Variants in CDK14 observed in about 807,000 individuals in gnomAD.
CDK14 encodes cyclin-dependent kinase 14.
Under a neutral mutation model 60.7 loss-of-function variants are expected in CDK14, and 34 were observed. The ratio of observed to expected loss-of-function variants is 0.56; its 90% CI spans 0.43 to 0.75. The LOEUF is 0.75. Ranked by LOEUF, CDK14 falls within the 30% of genes least tolerant of loss-of-function variation. CDK14 has a pLI of 0.00. For missense variants in CDK14, 482 were observed against 564.1 expected, an observed-to-expected ratio of 0.85 and a Z score of 1.47; for synonymous variants, 197 against 203.7, an observed-to-expected ratio of 0.97 and a Z score of 0.28.
intron 14 of CDK14, among the ~76,000 whole-genome samples, chr7:91,132,153 C>G: frequency 6.6e-6 from 1 of 152,080 alleles, no homozygotes; most frequent in South Asian, 2.1e-4. Context: ...TACAGCAGAA[C>G]TTTGCATGAA....
chr7:91,053,715 G>A (rs1797462553), intron 11 of CDK14, among the ~76,000 whole-genome samples: 1 of 152,094 alleles, frequency 6.6e-6, no homozygotes, highest in Admixed American at 6.6e-5. Context: ...TGACATTCTT[G>A]GCTTTTCCTG....
chr7:91,097,170 C>T (rs1054943505), intron 12 of CDK14, among the ~76,000 whole-genome samples: 1 of 152,098 alleles, frequency 6.6e-6, no homozygotes, highest in African/African-American at 2.4e-5. Flanking sequence ...CACCTGAAGT[C>T]AGGAGTTCGA....
At chr7:90,915,418 A>C (rs2117410363) in intron 7 of CDK14, among the ~76,000 whole-genome samples, 1 of 152,200 alleles carries the variant, frequency 6.6e-6, no homozygotes. Flanking sequence ...CAAAAAGTAC[A>C]GGGTTGGAGA....
intron 14 of CDK14, among the ~76,000 whole-genome samples, chr7:91,175,877 A>C (rs958307980): frequency 2.0e-5 from 3 of 146,728 alleles, no homozygotes; most frequent in Non-Finnish European, 4.5e-5. Context: ...TTAACACCCC[A>C]CTGTCAACAT....
chr7:91,148,673 G>A (rs771682910), intron 14 of CDK14, among the ~76,000 whole-genome samples: 8 of 152,216 alleles, frequency 5.3e-5, no homozygotes, highest in African/African-American at 1.9e-4. Flanking sequence ...TCAGAGGAAC[G>A]AGGACCATGG....
At chr7:90,621,894 G>A (rs540075396) in intron 2 of CDK14, among the ~76,000 whole-genome samples, 36 of 152,344 alleles carry the variant, frequency 2.4e-4, no homozygotes, top group African/African-American at 8.4e-4. Context: ...TGAAGCTCCA[G>A]AAGTGGAGGT....
chr7:90,814,265 T>G (rs888251006), intron 5 of CDK14, among the ~76,000 whole-genome samples: 132 of 152,044 alleles, frequency 8.7e-4, no homozygotes, highest in Non-Finnish European at 1.0e-4. Context: ...ATAGAAGAGG[T>G]GGCCCTTGAG....
At chr7:91,098,891 C>G (rs697402) in intron 12 of CDK14, among the ~76,000 whole-genome samples, 2 of 151,892 alleles carry the variant, frequency 1.3e-5, no homozygotes, top group Non-Finnish European at 2.9e-5. Flanking sequence ...AGTGAAAAAT[C>G]TGATATATTT....
chr7:90,639,113 A>C (rs1360099660), intron 2 of CDK14, among the ~76,000 whole-genome samples: 1 of 152,162 alleles, frequency 6.6e-6, no homozygotes, highest in East Asian at 1.9e-4. Flanking sequence ...GATCGTCTGA[A>C]GCCTTCTTCT....
intron 2 of CDK14, among the ~76,000 whole-genome samples, chr7:90,621,659 T>TCCTG (rs1381464235): frequency 1.5e-5 from 2 of 137,060 alleles, no homozygotes; most frequent in Non-Finnish European, 3.2e-5. Context: ...CTTCCTTCCT[T>TCCTG]CCTTCCTTCC....
intron 6 of CDK14, among the ~76,000 whole-genome samples, chr7:90,881,080 G>A (rs987118171): frequency 1.3e-5 from 2 of 152,198 alleles, no homozygotes; most frequent in African/African-American, 4.8e-5. Flanking sequence ...AAAGAACTGG[G>A]TGGGGGAGCA....
At chr7:90,900,606 A>G (rs975195717) in intron 7 of CDK14, among the ~76,000 whole-genome samples, 5 of 152,174 alleles carry the variant, frequency 3.3e-5, no homozygotes, top group Non-Finnish European at 2.9e-5. Context: ...AGTACAATAC[A>G]TCTTCATTCT....
intron 2 of CDK14, among the ~76,000 whole-genome samples, chr7:90,617,886 G>T (rs1799687128): frequency 6.6e-6 from 1 of 152,156 alleles, no homozygotes; most frequent in Non-Finnish European, 1.5e-5. Context: ...AGGTACCATG[G>T]ACCACCTTGT....
intron 5 of CDK14, among the ~76,000 whole-genome samples, chr7:90,799,702 A>AC (rs1788564405): frequency 6.7e-6 from 1 of 148,546 alleles, no homozygotes; most frequent in Non-Finnish European, 1.5e-5. Flanking sequence ...AAAAAAAAAA[A>AC]AAAAAAAAAA....
chr7:90,648,341 G>GA, intron 2 of CDK14, among the ~76,000 whole-genome samples: 1 of 152,242 alleles, frequency 6.6e-6, no homozygotes, highest in Admixed American at 6.5e-5. Context: ...CTGGTGGCTG[G>GA]TGTTTTCTAG....
chr7:90,874,117 A>G (rs1182615131), intron 6 of CDK14, among the ~76,000 whole-genome samples: 2 of 152,132 alleles, frequency 1.3e-5, no homozygotes. Flanking sequence ...ATTTCCAGGC[A>G]TGCCCTTCCC....
At chr7:90,756,095 T>C (rs1804045882) in intron 4 of CDK14, among the ~76,000 whole-genome samples, 1 of 152,246 alleles carries the variant, frequency 6.6e-6, no homozygotes, top group Non-Finnish European at 1.5e-5. Context: ...GGCTTGAAGC[T>C]ATCATTTTCC....
intron 8 of CDK14, among the ~76,000 whole-genome samples, chr7:90,929,399 G>T (rs1477889218): frequency 2.0e-5 from 3 of 152,264 alleles, no homozygotes; most frequent in East Asian, 3.9e-4. Context: ...CATATTTCAT[G>T]GTGATGGTTA....
At chr7:90,714,461 C>T (rs996244215) in intron 2 of CDK14, among the ~76,000 whole-genome samples, 5 of 151,992 alleles carry the variant, frequency 3.3e-5, no homozygotes, top group Non-Finnish European at 2.9e-5. Context: ...CAGAACTGGT[C>T]TTCATGAAAT....
Sources: allele counts gnomAD v4.1 joint callset (sites outside exome capture counted in the v4.1 genomes callset), GRCh38; gene constraint gnomAD v4.1.1; transcripts MANE v1.5; gene names NCBI Gene and HGNC (gene_info 2026-07-23, HGNC 2026-07-21).